Variants in ZBTB16 observed in about 807,000 individuals in gnomAD.
The protein encoded by ZBTB16 is zinc finger and BTB domain-containing protein 16.
Under a neutral mutation model 56.8 loss-of-function variants are expected in ZBTB16, and 8 were observed. The observed-to-expected ratio is 0.14, with a 90% CI of 0.08 to 0.25. ZBTB16 has a LOEUF of 0.25. Ranked by LOEUF, ZBTB16 falls within the 10% of genes least tolerant of loss-of-function variation. The pLI is 1.00. For synonymous variants in ZBTB16, 363 were observed against 368.5 expected (o/e 0.98, Z 0.17); for missense variants, 625 against 903.0 (o/e 0.69, Z 3.95).
At chr11:114,215,647 C>T (rs1355880372) in intron 4 of ZBTB16, among the ~76,000 whole-genome samples, 1 of 152,212 alleles carries the variant, frequency 6.6e-6, no homozygotes. Flanking sequence ...TGAGAACTTC[C>T]TGAGTTGCAA....
At chr11:114,185,312 G>A (rs1200556362) in intron 3 of ZBTB16, among the ~76,000 whole-genome samples, 1 of 152,196 alleles carries the variant, frequency 6.6e-6, no homozygotes, top group African/African-American at 2.4e-5. Flanking sequence ...AGTGCTTGAT[G>A]TCCACAAACT....
intron 2 of ZBTB16, among the ~76,000 whole-genome samples, chr11:114,146,663 C>A (rs533945965): frequency 6.6e-6 from 1 of 151,648 alleles, no homozygotes; most frequent in Admixed American, 6.6e-5. Context: ...CTGGCCAATG[C>A]GGTGAAACCC....
chr11:114,172,391 T>G (rs1421640380), intron 3 of ZBTB16, among the ~76,000 whole-genome samples: 2 of 152,204 alleles, frequency 1.3e-5, no homozygotes, highest in African/African-American at 4.8e-5. Context: ...ATTGCTTTAC[T>G]TCGTCATCTC....
chr11:114,168,887 C>T lies in ZBTB16; in HGVS notation c.1366+12453C>T, dbSNP rs7110205. Among the ~76,000 whole-genome samples the T allele has an allele frequency of 3.9e-3, 601 of 152,280 alleles. 4 individuals carry two copies. The highest frequency in any genetic ancestry group is 0.014 in the African/African-American group (577 of 41,552). ...AGGAGCAGGTGTGGCTTATTAGCCTCTTCCTGCTCTGCCAGAGGAGCATGT... is the reference window on the plus strand; with the variant it reads ...AGGAGCAGGTGTGGCTTATTAGCCTTTTCCTGCTCTGCCAGAGGAGCATGT... On this transcript the variant is annotated intron_variant, in intron 3 of 6. Coordinates refer to ENST00000335953, the MANE Select transcript of ZBTB16 (RefSeq NM_006006.6).
intron 2 of ZBTB16, among the ~76,000 whole-genome samples, chr11:114,078,266 T>C (rs1224304732): frequency 6.6e-6 from 1 of 152,080 alleles, no homozygotes; most frequent in Non-Finnish European, 1.5e-5. Context: ...TGGGAAAGGG[T>C]GGAGGTTATC....
intron 3 of ZBTB16, 57 bp downstream of exon 3, chr11:114,156,491 C>A: frequency 6.5e-7 from 1 of 1,535,950 alleles, no homozygotes; most frequent in South Asian, 1.1e-5. Flanking sequence ...TCCTGCTTGC[C>A]TTTACCCCTC....
Position 114,063,921 on chromosome 11 carries a change from G to A in ZBTB16, c.621G>A (p.Met207Ile). ...CCAAGGCTGCAGTGGACAGTTTGAT[G>A]ACCATAGGACAGTCTCTCCTGCAGG... ...SPTKAAVDSL[M>I]TIGQSLLQGT... Residue 207 changes from methionine (M) to isoleucine (I), a missense_variant, in exon 2 of 7, where the codon ATG becomes ATA. Physicochemically the swap from Met to Ile is conservative, Grantham distance 10. Around this residue, in one of 6 missense-constraint regions of ZBTB16, gnomAD observed 384 missense variants for 393.5 expected, o/e 0.98. Transcript: ENST00000335953. The surrounding 1 kb of genome is among the most constrained non-coding windows in gnomAD (Gnocchi z 6.5). 6.2e-7 allele frequency: 1 copy of A among 1,613,890 alleles called. No individual in the cohort carries two copies. The highest frequency in any genetic ancestry group is 8.5e-7 in the Non-Finnish European group (1 of 1,180,032).
chr11:114,175,460 C>G (rs1943084921), intron 3 of ZBTB16, among the ~76,000 whole-genome samples: 1 of 146,458 alleles, frequency 6.8e-6, no homozygotes. Context: ...CATGTGCAAA[C>G]TTTTTTTTTT....
intron 5 of ZBTB16, among the ~76,000 whole-genome samples, chr11:114,243,227 G>A (rs73564870): frequency 2.7e-4 from 41 of 152,328 alleles, no homozygotes; most frequent in African/African-American, 9.6e-4. Context: ...GTGTTTGTAG[G>A]GAGGGTTGGG....
intron 3 of ZBTB16, among the ~76,000 whole-genome samples, chr11:114,157,774 C>T (rs1942460235): frequency 6.6e-6 from 1 of 152,198 alleles, no homozygotes; most frequent in East Asian, 1.9e-4. Flanking sequence ...CCATTCTTCC[C>T]TCTTCCAGGC....
chr11:114,205,126 T>C (rs539230073), intron 4 of ZBTB16, among the ~76,000 whole-genome samples: 7 of 152,132 alleles, frequency 4.6e-5, no homozygotes, highest in African/African-American at 1.7e-4. Flanking sequence ...AAAAAAAATT[T>C]CGGCCGGGCG....
At chr11:114,229,985 A>C (rs1240446325) in intron 4 of ZBTB16, among the ~76,000 whole-genome samples, 1 of 152,020 alleles carries the variant, frequency 6.6e-6, no homozygotes, top group East Asian at 1.9e-4. Flanking sequence ...AATCAGAATC[A>C]CCTGATTTCT....
Position 114,233,288 on chromosome 11 carries a change from C to T in ZBTB16, c.1454-8879C>T, listed in dbSNP as rs144321660. Among the ~76,000 whole-genome samples, 630 of 152,140 alleles carry T rather than the reference C, an allele frequency of 4.1e-3. 2 individuals carry two copies. Among genetic ancestry groups the T allele is most frequent in the Non-Finnish European group, 6.4e-3 (433 of 67,996 alleles). On this transcript the variant is annotated intron_variant, in intron 4 of 6. Transcript: ENST00000335953. ...TACCAGCGGAGGATATTAGTCTCTGCTGATGTGCTTGGAAGCAGCTACTTC... is the reference window on the plus strand; with the variant it reads ...TACCAGCGGAGGATATTAGTCTCTGTTGATGTGCTTGGAAGCAGCTACTTC...
chr11:114,073,102 T>G (rs1939410999), intron 2 of ZBTB16, among the ~76,000 whole-genome samples: 1 of 148,678 alleles, frequency 6.7e-6, no homozygotes, highest in African/African-American at 2.5e-5. Context: ...TATGTTCAGG[T>G]CTTCTGGCTC....
intron 2 of ZBTB16, among the ~76,000 whole-genome samples, chr11:114,085,902 G>A (rs895344685): frequency 6.6e-6 from 1 of 152,162 alleles, no homozygotes; most frequent in African/African-American, 2.4e-5. Context: ...ATAGGGGTTG[G>A]ATCATTGCGA....
At chr11:114,163,350 G>A (rs759762191) in intron 3 of ZBTB16, among the ~76,000 whole-genome samples, 9 of 152,106 alleles carry the variant, frequency 5.9e-5, no homozygotes, top group Non-Finnish European at 1.3e-4. Context: ...CCCTTTACCT[G>A]ATGAAATATA....
chr11:114,210,197 G>A (rs547563542), intron 4 of ZBTB16, among the ~76,000 whole-genome samples: 2 of 151,096 alleles, frequency 1.3e-5, no homozygotes, highest in South Asian at 2.1e-4. Flanking sequence ...GTGTGTGCGT[G>A]CGCGCGCGTG....
chr11:114,152,267 CA>C (rs1942296850), intron 2 of ZBTB16, among the ~76,000 whole-genome samples: 2 of 152,212 alleles, frequency 1.3e-5, no homozygotes, highest in Non-Finnish European at 2.9e-5. Flanking sequence ...CTCTCTAAAC[CA>C]GATGAAATCT....
chr11:114,146,094 T>C (rs1455187857), intron 2 of ZBTB16, among the ~76,000 whole-genome samples: 8 of 152,080 alleles, frequency 5.3e-5, no homozygotes, highest in African/African-American at 1.9e-4. Flanking sequence ...GGTAGGCGCT[T>C]AACAGATATA....
Sources: allele counts gnomAD v4.1 joint callset (sites outside exome capture counted in the v4.1 genomes callset), GRCh38; gene constraint gnomAD v4.1.1; regional missense constraint gnomAD v4.1.1; non-coding constraint Gnocchi (gnomAD v3.1); transcripts MANE v1.5; gene names NCBI Gene and HGNC (gene_info 2026-07-23, HGNC 2026-07-21).